Variants in NRXN3 observed in about 807,000 individuals in gnomAD.
The protein encoded by NRXN3 is neurexin 3.
Under a neutral mutation model 137.6 loss-of-function variants are expected in NRXN3, and 32 were observed. The ratio of observed to expected loss-of-function variants is 0.23; its 90% confidence interval spans 0.18 to 0.31. The LOEUF (loss-of-function observed/expected upper bound fraction) is 0.31, where lower values mean the gene tolerates loss of function less well. Ranked by LOEUF, NRXN3 falls within the 10% of genes least tolerant of loss-of-function variation. The pLI, the probability that NRXN3 is intolerant of heterozygous loss-of-function variation, is 1.00. For missense variants in NRXN3, 1,574 were observed against 2,062.5 expected (o/e 0.76, Z 4.59); for synonymous variants, 798 against 784.5 (o/e 1.02, Z -0.29).
intron 16 of NRXN3, chr14:79,632,426 A>G (rs556314927): frequency 6.6e-6 from 1 of 152,554 alleles, no homozygotes; most frequent in East Asian, 1.9e-4. Context: ...GCCAGTGATA[A>G]CAGACCTGGA....
At chr14:79,547,026 T>G (rs1042878018) in intron 16 of NRXN3, among the ~76,000 whole-genome samples, 1 of 152,142 alleles carries the variant, frequency 6.6e-6, no homozygotes, top group African/African-American at 2.4e-5. Context: ...ACTTACCAAC[T>G]TCCCTCTTAA....
intron 20 of NRXN3, among the ~76,000 whole-genome samples, chr14:79,860,136 T>C (rs1193810358): frequency 1.3e-5 from 2 of 152,184 alleles, no homozygotes; most frequent in African/African-American, 4.8e-5. Context: ...GTCTGTATGA[T>C]TCTAAGTGCA....
chr14:78,217,209 G>A (rs146992575), intron 1 of NRXN3, among the ~76,000 whole-genome samples: 1,824 of 152,150 alleles, frequency 0.012, 39 homozygotes, highest in African/African-American at 0.042. Context: ...ATGAGACTCA[G>A]AAAAATAGCA....
chr14:79,012,815 T>C (rs952498126), intron 15 of NRXN3, among the ~76,000 whole-genome samples: 1 of 152,130 alleles, frequency 6.6e-6, no homozygotes, highest in South Asian at 2.1e-4. Flanking sequence ...ATGAGATCCT[T>C]GGTATAATTA....
intron 6 of NRXN3, among the ~76,000 whole-genome samples, chr14:78,654,451 A>G (rs920719702): frequency 6.6e-6 from 1 of 152,206 alleles, no homozygotes; most frequent in Non-Finnish European, 1.5e-5. Flanking sequence ...CCAGATCATC[A>G]ATATTTCTTT....
intron 15 of NRXN3, among the ~76,000 whole-genome samples, chr14:79,240,690 A>G (rs1365922881): frequency 6.6e-6 from 1 of 152,034 alleles, no homozygotes; most frequent in African/African-American, 2.4e-5. Context: ...GCTCCCCTAC[A>G]TCAATCTCAT....
intron 15 of NRXN3, among the ~76,000 whole-genome samples, chr14:79,269,194 T>C (rs1428182995): frequency 6.6e-6 from 1 of 152,026 alleles, no homozygotes; most frequent in Non-Finnish European, 1.5e-5. Context: ...GGACTTCAGG[T>C]GCCCGCCACC....
At chr14:78,344,336 G>A (rs759002192) in intron 4 of NRXN3, among the ~76,000 whole-genome samples, 5 of 152,246 alleles carry the variant, frequency 3.3e-5, no homozygotes, top group East Asian at 1.9e-4. Context: ...ACCAATGAGG[G>A]CCCACAAATA....
At chr14:78,514,063 G>A (rs1040607572) in intron 4 of NRXN3, among the ~76,000 whole-genome samples, 6 of 152,004 alleles carry the variant, frequency 3.9e-5, no homozygotes, top group African/African-American at 1.5e-4. Context: ...CACTATACCT[G>A]AGTTTCTGCT....
At chr14:79,103,714 T>C (rs1174417986) in intron 15 of NRXN3, among the ~76,000 whole-genome samples, 1 of 152,192 alleles carries the variant, frequency 6.6e-6, no homozygotes, top group Non-Finnish European at 1.5e-5. Flanking sequence ...TTAACATGAC[T>C]TTGAGGTATT....
intron 16 of NRXN3, among the ~76,000 whole-genome samples, chr14:79,633,481 A>G (rs2098377329): frequency 6.6e-6 from 1 of 152,188 alleles, no homozygotes; most frequent in Non-Finnish European, 1.5e-5. Flanking sequence ...TTTCCCTGAG[A>G]AATGGAGTTG....
rs542777820 is a variant in NRXN3 at position 78,771,097 on chromosome 14, C to T, written c.2045-32523C>T. 4.6e-5 allele frequency among the ~76,000 whole-genome samples: 7 copies of T among 152,258 alleles called. No homozygotes were observed. The South Asian group carries it at 1.2e-3, about 27-fold the overall frequency. On this transcript the variant is annotated intron_variant, in intron 8 of 20. Transcript: ENST00000335750. ...GCTTTGGACCACTTGAGCAAGGCCA[C>T]GTTGCTAATTGTGCAGAACCCCTTC...
chr14:78,925,730 A>G (rs990782241), intron 10 of NRXN3, among the ~76,000 whole-genome samples: 12 of 152,176 alleles, frequency 7.9e-5, no homozygotes, highest in Non-Finnish European at 2.9e-5. Flanking sequence ...GCATGGAGCC[A>G]TCTCTATATG....
chr14:78,250,022 G>T (rs8003695), intron 2 of NRXN3: 15,802 of 491,076 alleles, frequency 0.032, 935 homozygotes, highest in African/African-American at 0.18. Context: ...ACTGTCTTAG[G>T]TGCTTTTCAT....
intron 20 of NRXN3, among the ~76,000 whole-genome samples, chr14:79,827,070 C>T (rs1603617212): frequency 6.6e-6 from 1 of 152,152 alleles, no homozygotes; most frequent in East Asian, 1.9e-4. Flanking sequence ...GTGTGCTAAG[C>T]ACTGAGGATG....
At chr14:79,112,380 A>G (rs1017233807) in intron 15 of NRXN3, among the ~76,000 whole-genome samples, 1 of 152,226 alleles carries the variant, frequency 6.6e-6, no homozygotes, top group Non-Finnish European at 1.5e-5. Flanking sequence ...TCACTTGTAC[A>G]TCAGCCTTGA....
rs991183443 is a variant in NRXN3, at chr14:79,284,382, A to G, written c.3263-182839A>G. On this transcript the variant is annotated intron_variant, in intron 15 of 20. Coordinates refer to ENST00000335750, the MANE Select transcript of NRXN3 (RefSeq NM_001330195.2). ...TATATATATATATATATATATATAT[A>G]TATGTATCTCCAATGTACATCTGCC... 2.2e-4 allele frequency among the ~76,000 whole-genome samples: 26 copies of G among 120,500 alleles called. 2 individuals are homozygous for G. Among genetic ancestry groups the G allele is most frequent in the South Asian group, 1.4e-3 (5 of 3,450 alleles). The allele number at this position is 120,500 out of a possible 152,430, so 79.1% of individuals were successfully genotyped here.
chr14:78,216,482 A>C (rs1204958022), intron 1 of NRXN3, among the ~76,000 whole-genome samples: 1 of 152,060 alleles, frequency 6.6e-6, no homozygotes, highest in African/African-American at 2.4e-5. Flanking sequence ...ACTACACAAC[A>C]CAGCAGTGGG....
intron 16 of NRXN3, among the ~76,000 whole-genome samples, chr14:79,596,027 G>A (rs1357230521): frequency 6.6e-6 from 1 of 151,358 alleles, no homozygotes; most frequent in Non-Finnish European, 1.5e-5. Context: ...CAATATATAA[G>A]AGGACAAATC....
Sources: allele counts gnomAD v4.1 joint callset (sites outside exome capture counted in the v4.1 genomes callset), GRCh38; gene constraint gnomAD v4.1.1; transcripts MANE v1.5; gene names NCBI Gene and HGNC (gene_info 2026-07-23, HGNC 2026-07-21).